Variants in BFSP1 observed in about 807,000 individuals in gnomAD.
BFSP1 encodes filensin.
In BFSP1, 38 loss-of-function variants were observed where a neutral mutation model predicts 43.9. That is an observed-to-expected ratio of 0.87 (90% CI 0.67 to 1.14). BFSP1 has a LOEUF of 1.14. Ranked by LOEUF, BFSP1 falls within the 50% of genes most tolerant of loss-of-function variation. The pLI is 0.00. For synonymous variants in BFSP1, 352 were observed against 354.8 expected (o/e 0.99, Z 0.09); for missense variants, 850 against 875.1 (o/e 0.97, Z 0.36).
exon 1 of BFSP1, chr20:17,558,724 T>C (rs752917045): frequency 7.1e-6 from 11 of 1,551,774 alleles, no homozygotes; most frequent in South Asian, 1.2e-5. Context: ...TCTGTGAAAT[T>C]TGAAAATCCA....
rs531501376 is a variant in BFSP1, at chr20:17,509,061, C to T, written c.628-65G>A. On this transcript the variant is annotated intron_variant, in intron 4 of 7. Transcript: ENST00000377873. ...AGAGAGGAAAAGGGCAGAGAAGGTG[C>T]GGGGCCCTGGTATGGACGGAATATC... The T allele has an allele frequency of 4.2e-5, 52 of 1,248,384 alleles. No individual in the cohort carries two copies. The South Asian group carries it at 4.8e-4, about 11-fold the overall frequency. 77.3% of individuals were successfully genotyped at this position (1,248,384 alleles called of 1,614,324 possible).
At chr20:17,536,982 G>A (rs911885452) in intron 1 of BFSP1, among the ~76,000 whole-genome samples, 3 of 152,194 alleles carry the variant, frequency 2.0e-5, no homozygotes, top group Admixed American at 2.0e-4. Flanking sequence ...CTGTAAAGAG[G>A]TAATTGAGGC....
intron 1 of BFSP1, among the ~76,000 whole-genome samples, chr20:17,567,545 G>A (rs531152193): frequency 6.6e-6 from 1 of 152,254 alleles, no homozygotes; most frequent in South Asian, 2.1e-4. Context: ...AAGGATCTCA[G>A]GTGATTTGGA....
chr20:17,528,867 C>T (rs2034474326), intron 1 of BFSP1, among the ~76,000 whole-genome samples: 1 of 152,156 alleles, frequency 6.6e-6, no homozygotes, highest in Admixed American at 6.5e-5. Flanking sequence ...GGAACTCAAA[C>T]ATAGAGCAGG....
intron 6 of BFSP1, among the ~76,000 whole-genome samples, 154 bp downstream of exon 6, chr20:17,498,666 C>T (rs2033714020): frequency 6.6e-6 from 1 of 152,226 alleles, no homozygotes; most frequent in Non-Finnish European, 1.5e-5. Context: ...TCTGTCTCCC[C>T]TACTAGTTAT....
chr20:17,517,432 C>T, intron 2 of BFSP1: 1 of 648,062 alleles, frequency 1.5e-6, no homozygotes, highest in Non-Finnish European at 2.8e-6. Flanking sequence ...TACAGGTGCA[C>T]ACCACCACGC....
chr20:17,510,489 G>C (rs1476803854), intron 4 of BFSP1, among the ~76,000 whole-genome samples: 2 of 152,178 alleles, frequency 1.3e-5, no homozygotes, highest in East Asian at 3.9e-4. Flanking sequence ...CCACTAAGGA[G>C]AACAGGATCC....
In BFSP1 at chr20:17,494,629, G is replaced by A; in HGVS notation, c.1443C>T (p.Asp481=). The change falls in exon 8 of 8, where the codon GAC becomes GAT. Residue 481 remains aspartate (D), a synonymous_variant. Transcript: ENST00000377873. The part of the protein sequence containing the change: ...VLVTGDANYV[D]PRFYVSSITA... ...TGATGGAGGAGACATAGAATCTAGG[G>A]TCCACGTAATTGGCATCCCCTGTGA... The A allele has an allele frequency of 1.9e-6, 3 of 1,614,194 alleles. No individual in the cohort carries two copies. The highest frequency in any genetic ancestry group is 2.5e-6 in the Non-Finnish European group (3 of 1,180,046).
intron 1 of BFSP1, among the ~76,000 whole-genome samples, chr20:17,547,923 T>C (rs867552078): frequency 2.4e-4 from 35 of 145,602 alleles, no homozygotes; most frequent in African/African-American, 7.1e-4. Flanking sequence ...TTTTTTTGTA[T>C]TTTTAGTAGA....
At chr20:17,499,171 T>C in intron 5 of BFSP1, 131 bp from the exon 6 acceptor site, 1 of 769,698 alleles carries the variant, frequency 1.3e-6, no homozygotes, top group South Asian at 1.8e-5. Context: ...CATTCGAGAT[T>C]AGCAATGAAT....
At chr20:17,520,210 G>GCGCCCCCC (rs201615265) in intron 2 of BFSP1, among the ~76,000 whole-genome samples, 3 of 133,356 alleles carry the variant, frequency 2.2e-5, no homozygotes, top group African/African-American at 8.9e-5. Context: ...GTTTTAACGT[G>GCGCCCCCC]CCCCCCCACC....
intron 1 of BFSP1, chr20:17,558,669 C>A (rs375936816): frequency 6.4e-7 from 1 of 1,551,032 alleles, no homozygotes. Context: ...CAACACTTGC[C>A]GTTTATCAGA....
chr20:17,516,021 A>T (rs75626514), intron 2 of BFSP1, among the ~76,000 whole-genome samples: 3,722 of 152,222 alleles, frequency 0.024, 142 homozygotes, highest in African/African-American at 0.072. Flanking sequence ...AGGCCTTGAG[A>T]CTGCACTCTT....
upstream of BFSP1, among the ~76,000 whole-genome samples, chr20:17,562,166 C>T (rs1245074997): frequency 2.0e-5 from 3 of 151,856 alleles, no homozygotes; most frequent in East Asian, 4.0e-4. Flanking sequence ...GTGATCGGTC[C>T]GCCTCGGTCT....
At position 17,511,871 on chromosome 20, in the gene BFSP1, C is replaced by A. The variant is rs558510495; in HGVS notation, c.627+105G>T. 4 of 918,572 alleles carry A rather than the reference C, an allele frequency of 4.4e-6. No homozygotes were observed. The African/African-American group carries it at 4.9e-5, about 11-fold the overall frequency. 56.9% of individuals were successfully genotyped at this position (918,572 alleles called of 1,614,324 possible). On this transcript the variant is annotated intron_variant, in intron 4 of 7. Coordinates refer to ENST00000377873, the MANE Select transcript of BFSP1 (RefSeq NM_001195.5). ...ATACAAGGCAGGAGTGGGGAGTGGA[C>A]CCTGGTGGCCGCCCTCACAGTCCAA...
At chr20:17,541,107 T>C (rs779773471) in intron 1 of BFSP1, 100 of 252,418 alleles carry the variant, frequency 4.0e-4, no homozygotes, top group Non-Finnish European at 1.2e-4. Context: ...GGAGGATCAC[T>C]GGAGACCGGG....
intron 1 of BFSP1, among the ~76,000 whole-genome samples, chr20:17,545,782 A>C (rs781481830): frequency 2.6e-5 from 4 of 152,258 alleles, no homozygotes; most frequent in Non-Finnish European, 5.9e-5. Context: ...GCACACTAAA[A>C]TGCCAAAGAT....
intron 3 of BFSP1, among the ~76,000 whole-genome samples, chr20:17,513,925 G>A (rs909686597): frequency 6.6e-6 from 1 of 152,224 alleles, no homozygotes; most frequent in Admixed American, 6.5e-5. Flanking sequence ...GAGGGAGCTG[G>A]TGTGTTTATA....
chr20:17,499,086 C>T (rs144535326), intron 5 of BFSP1, 46 bp from the exon 6 acceptor site: 5 of 1,564,808 alleles, frequency 3.2e-6, no homozygotes, highest in Non-Finnish European at 4.4e-6. Flanking sequence ...CCCTTCTTCT[C>T]TAAGAGACAG....
Sources: gnomAD v4.1 joint callset for allele counts (sites outside exome capture counted in the v4.1 genomes callset) on GRCh38, gnomAD v4.1.1 for gene constraint, MANE v1.5 for transcripts, NCBI Gene and HGNC (gene_info 2026-07-23, HGNC 2026-07-21) for gene names.